AP3B1: variants seen among roughly 807,000 people sequenced by gnomAD.
AP3B1 encodes adaptor related protein complex 3 subunit beta 1.
A neutral mutation model predicts 132.5 loss-of-function variants in AP3B1; 61 were observed. That is an observed-to-expected ratio of 0.46 (90% CI 0.37 to 0.57). The LOEUF (loss-of-function observed/expected upper bound fraction) is 0.57, where lower values mean the gene tolerates loss of function less well. AP3B1 is among the 20% of genes least tolerant of loss of function. The pLI, the probability that AP3B1 is intolerant of heterozygous loss-of-function variation, is 0.00. For synonymous variants in AP3B1, 388 were observed against 438.3 expected (o/e 0.89, Z 1.43); for missense variants, 1,120 against 1,289.4 (o/e 0.87, Z 2.01).
chr5:78,205,015 C>T (rs1053894204), intron 7 of AP3B1, among the ~76,000 whole-genome samples: 5 of 152,104 alleles, frequency 3.3e-5, no homozygotes, highest in Admixed American at 3.3e-4. Context: ...TTTCCATTTG[C>T]AAAATTCTTA....
At chr5:78,096,983 CGG>C (rs1376439757) in intron 21 of AP3B1, among the ~76,000 whole-genome samples, 3 of 141,432 alleles carry the variant, frequency 2.1e-5, no homozygotes, top group Admixed American at 6.8e-5. Flanking sequence ...TCCCTCTGCC[CGG>C]CCAGCCGCCC....
chr5:78,079,617 T>C lies in AP3B1; in HGVS notation c.2577+9776A>G, dbSNP rs553298181. On this transcript the variant is annotated intron_variant, in intron 22 of 26. Transcript: ENST00000255194. The stretch of plus-strand genomic sequence containing the variant: ...GAAGCACAAAACCCGGACTCAAGTA[T>C]TAAGTGTACTATTGATAGTTTTATT... 2.4e-4 allele frequency among the ~76,000 whole-genome samples: 37 copies of C among 152,328 alleles called. No homozygotes were observed. In the South Asian group the frequency reaches 7.0e-3, roughly 29 times the overall value.
chr5:78,128,198 G>T (rs766874118), intron 16 of AP3B1, 38 bp from the exon 17 acceptor site: 1 of 1,505,038 alleles, frequency 6.6e-7, no homozygotes, highest in Non-Finnish European at 9.1e-7. Context: ...TAAACAATAT[G>T]AGCTGTATAT....
At chr5:78,152,295 A>G (rs1208583399) in intron 14 of AP3B1, among the ~76,000 whole-genome samples, 1 of 151,760 alleles carries the variant, frequency 6.6e-6, no homozygotes, top group African/African-American at 2.4e-5. Flanking sequence ...TCAGCAGTGA[A>G]GCCATCGGAT....
In AP3B1 at chr5:78,245,080, G is replaced by A. The variant is rs567447614; in HGVS notation, c.205-4144C>T. ...GTACCCAAAGTCCGGTGGCAACAAA[G>A]GATTGAGAAGAGACAAGTTAAGAGT... On this transcript the variant is annotated intron_variant, in intron 2 of 26. Coordinates refer to ENST00000255194, the MANE Select transcript of AP3B1 (RefSeq NM_003664.5). Among the ~76,000 whole-genome samples the A allele has an allele frequency of 5.9e-5, 9 of 152,202 alleles. No homozygotes were observed. The South Asian group carries it at 1.9e-3, about 32-fold the overall frequency.
At position 78,024,330 on chromosome 5, in the gene AP3B1, A is replaced by G. The variant is rs142179692; in HGVS notation, c.2895-3541T>C. Among the ~76,000 whole-genome samples, 375 of 152,302 alleles carry G rather than the reference A, an allele frequency of 2.5e-3. 1 individual carries two copies. The highest frequency in any genetic ancestry group is 8.4e-3 in the African/African-American group (351 of 41,560). ...TCTCCAAAGTCAGAGGCACAAGACAATCAACTGAGGTATAGGCAAAAACCC... is the reference window on the plus strand; with the variant it reads ...TCTCCAAAGTCAGAGGCACAAGACAGTCAACTGAGGTATAGGCAAAAACCC... On this transcript the variant is annotated intron_variant, in intron 24 of 26. Coordinates refer to ENST00000255194, the MANE Select transcript of AP3B1 (RefSeq NM_003664.5).
At chr5:78,265,104 A>G (rs1748262848) in intron 2 of AP3B1, among the ~76,000 whole-genome samples, 1 of 152,196 alleles carries the variant, frequency 6.6e-6, no homozygotes, top group African/African-American at 2.4e-5. Context: ...AATAAAAATC[A>G]ATATTTAGTA....
intron 24 of AP3B1, among the ~76,000 whole-genome samples, chr5:78,024,964 T>A (rs1561359815): frequency 6.6e-6 from 1 of 151,130 alleles, no homozygotes; most frequent in Non-Finnish European, 1.5e-5. Flanking sequence ...CTCCCAAAGT[T>A]GTGGGATTAT....
At chr5:78,072,856 G>C (rs1185876150) in intron 22 of AP3B1, among the ~76,000 whole-genome samples, 1 of 150,968 alleles carries the variant, frequency 6.6e-6, no homozygotes, top group African/African-American at 2.4e-5. Flanking sequence ...TGAGTAGCTG[G>C]GATTAAAGGC....
intron 3 of AP3B1, among the ~76,000 whole-genome samples, chr5:78,234,035 T>C (rs1746770827): frequency 1.3e-5 from 2 of 152,116 alleles, no homozygotes; most frequent in Non-Finnish European, 2.9e-5. Flanking sequence ...TTAACCCCAA[T>C]TGCACATCTT....
At chr5:78,245,465 T>C (rs1580537786) in intron 2 of AP3B1, among the ~76,000 whole-genome samples, 1 of 152,324 alleles carries the variant, frequency 6.6e-6, no homozygotes, top group Non-Finnish European at 1.5e-5. Context: ...GGGAACATGA[T>C]GGCAATTAGG....
At chr5:78,201,681 G>A (rs557983825) in intron 7 of AP3B1, among the ~76,000 whole-genome samples, 36 of 152,162 alleles carry the variant, frequency 2.4e-4, no homozygotes, top group Non-Finnish European at 4.7e-4. Flanking sequence ...AGGACTTCCT[G>A]AGCAAAGAGT....
chr5:78,041,217 T>C (rs1580271713), intron 22 of AP3B1, among the ~76,000 whole-genome samples: 2 of 148,962 alleles, frequency 1.3e-5, no homozygotes, highest in Non-Finnish European at 3.0e-5. Flanking sequence ...GAGGTTGCTG[T>C]GGGCTGAGAT....
At chr5:78,141,395 T>A in intron 14 of AP3B1, 76 bp from the exon 15 acceptor site, 1 of 1,227,856 alleles carries the variant, frequency 8.1e-7, no homozygotes, top group Non-Finnish European at 1.2e-6. Flanking sequence ...AGGTTTTAAC[T>A]ATTACAAAAG....
At chr5:78,115,130 G>C (rs1007458872) in intron 18 of AP3B1, among the ~76,000 whole-genome samples, 4 of 152,148 alleles carry the variant, frequency 2.6e-5, no homozygotes, top group African/African-American at 9.7e-5. Context: ...TTTTAGATTT[G>C]TGGTAATATC....
chr5:78,044,950 A>G (rs916064351), intron 22 of AP3B1, among the ~76,000 whole-genome samples: 1 of 152,226 alleles, frequency 6.6e-6, no homozygotes, highest in African/African-American at 2.4e-5. Context: ...TTCACCGTCT[A>G]AAAAGGCCCT....
At chr5:78,096,145 C>A (rs994355801) in intron 21 of AP3B1, among the ~76,000 whole-genome samples, 3 of 152,160 alleles carry the variant, frequency 2.0e-5, no homozygotes, top group African/African-American at 4.8e-5. Flanking sequence ...CGAGTGCCTG[C>A]GATGGCAGGC....
At chr5:78,100,802 C>A in intron 21 of AP3B1, 151 bp downstream of exon 21, 4 of 539,150 alleles carry the variant, frequency 7.4e-6, no homozygotes, top group South Asian at 2.9e-5. Context: ...AAACAAATAC[C>A]ACTGATTTCC....
intron 22 of AP3B1, among the ~76,000 whole-genome samples, chr5:78,057,178 C>A (rs1241817661): frequency 6.6e-6 from 1 of 152,222 alleles, no homozygotes; most frequent in Admixed American, 6.5e-5. Flanking sequence ...TCTAGTTCCA[C>A]AATCGACTGA....
Sources: gnomAD v4.1 joint callset for allele counts (sites outside exome capture counted in the v4.1 genomes callset) on GRCh38, gnomAD v4.1.1 for gene constraint, MANE v1.5 for transcripts, NCBI Gene and HGNC (gene_info 2026-07-23, HGNC 2026-07-21) for gene names.